Variants in TAF6 observed in about 807,000 individuals in gnomAD.
TAF6 encodes the protein TATA-box binding protein associated factor 6.
Under a neutral mutation model 73.5 loss-of-function variants are expected in TAF6, and 50 were observed. That is an observed-to-expected ratio of 0.68 (90% CI 0.54 to 0.86). TAF6 has a LOEUF of 0.86. Among genes scored for constraint, TAF6 ranks in the 40% least tolerant of loss-of-function variants. TAF6 has a pLI of 0.00. For synonymous variants in TAF6, 424 were observed against 376.7 expected (o/e 1.13, Z -1.45); for missense variants, 768 against 899.5 (o/e 0.85, Z 1.87).
Position 100,110,226 on chromosome 7 carries a change from C to T in TAF6, c.1132G>A (p.Ala378Thr). 1 of 1,614,124 alleles carries T rather than the reference C, an allele frequency of 6.2e-7. No homozygotes were observed. The highest frequency in any genetic ancestry group is 8.5e-7 in the Non-Finnish European group (1 of 1,179,996). ...TCGTGTCCCAGCTCAGCCAAGCCTG[C>T]GATGGAGCCATAACGAGTCGTCCAG... ...TPWTTRYGSI[A>T]GLAELGHDVI... Residue 378 changes from alanine (A) to threonine (T), a missense_variant, in exon 11 of 15, where the codon GCA becomes ACA. Transcript: ENST00000453269.
chr7:100,121,030 T>C (rs2116885345), upstream of TAF6: 1 of 141,624 alleles, frequency 7.1e-6, no homozygotes, highest in African/African-American at 2.7e-5. Context: ...TATGTTGATT[T>C]ATTTAATCTT....
In TAF6 at chr7:100,119,207, C is replaced by G. The variant is rs1797931392; in HGVS notation, c.-63G>C. The G allele has an allele frequency of 1.0e-6, 1 of 991,384 alleles. No homozygotes were observed. 61.4% of individuals were successfully genotyped at this position (991,384 alleles called of 1,614,324 possible). A position where few individuals can be genotyped will look rare whatever the true frequency, so the allele number is the denominator to read the frequency against. On this transcript the variant is annotated 5_prime_UTR_variant, in exon 1 of 15. Transcript: ENST00000453269. The stretch of plus-strand genomic sequence containing the variant: ...CGAGCACAGACACACAACCAACCGT[C>G]CTCTTTCCAGTCCCCACAAGGGACC...
chr7:100,114,224 TCTC>T lies in TAF6; in HGVS notation c.-18_-16del, dbSNP rs1278517857. ...TCCTCAGCCATTCTGGAGTCCCTCT[TCTC>T]CTCCCTGGAAGGATGAAGCCCCCGG... On this transcript the variant is annotated 5_prime_UTR_variant, in exon 2 of 15. Coordinates refer to ENST00000453269, the MANE Select transcript of TAF6 (RefSeq NM_139315.3). 2.5e-6 allele frequency: 4 copies of T among 1,613,852 alleles called. No homozygotes were observed. The highest frequency in any genetic ancestry group is 2.7e-5 in the African/African-American group (2 of 74,838).
chr7:100,112,788 G>C lies in TAF6; in HGVS notation c.574+10C>G. On this transcript the variant is annotated intron_variant, in intron 6 of 14. Coordinates refer to ENST00000453269, the MANE Select transcript of TAF6 (RefSeq NM_139315.3). ...AAGAGTCCAGAGAGGCCTAGCCTAG[G>C]AGGACTGACCTTTGCCGTCGGCTGT... 1 of 1,608,522 alleles carries C rather than the reference G, an allele frequency of 6.2e-7. No homozygotes were observed.
Position 100,112,702 on chromosome 7 carries a change from G to T in TAF6, c.574+96C>A, listed in dbSNP as rs941989959. ...TACACTCCAGCCTGGGTGACAGAGT[G>T]AGACTCTGTCTCAAAAACAAAAAAA... On this transcript the variant is annotated intron_variant, in intron 6 of 14. Transcript: ENST00000453269. 6.2e-6 allele frequency: 9 copies of T among 1,455,446 alleles called. No individual in the cohort carries two copies. In the African/African-American group the frequency reaches 1.3e-4, roughly 21 times the overall value. 90.2% of individuals were successfully genotyped at this position (1,455,446 alleles called of 1,614,324 possible). A position where few individuals can be genotyped will look rare whatever the true frequency, so the allele number is the denominator to read the frequency against.
At chr7:100,125,044 G>C in the TAF6 span, 1 of 809,020 alleles carries the variant, frequency 1.2e-6, no homozygotes, top group Non-Finnish European at 1.9e-6. Flanking sequence ...AGATCCTGGT[G>C]AAACAGCATG....
upstream of TAF6, among the ~76,000 whole-genome samples, chr7:100,123,383 A>C (rs190589379): frequency 1.5e-4 from 23 of 151,972 alleles, no homozygotes; most frequent in African/African-American, 4.8e-4. Flanking sequence ...AAGAAATCAT[A>C]ATGAGCCGGG....
chr7:100,119,886 T>C (rs758835170), upstream of TAF6: 17 of 1,577,968 alleles, frequency 1.1e-5, no homozygotes, highest in Middle Eastern at 1.8e-4. Flanking sequence ...GTAGCCCCTA[T>C]AGGCATCGCC....
At chr7:100,126,167 T>C in the TAF6 span, among the ~76,000 whole-genome samples, 5,208 of 147,996 alleles carry the variant, frequency 0.035, 320 homozygotes, top group African/African-American at 0.12. Flanking sequence ...GCCTGGGTGA[T>C]AGAGCGAGAC....
upstream of TAF6, chr7:100,122,235 C>G (rs762000342): frequency 1.2e-6 from 2 of 1,613,468 alleles, no homozygotes; most frequent in South Asian, 1.1e-5. Context: ...TTACCTCCCC[C>G]CGGACGTTTC....
chr7:100,113,282 CAAA>C, intron 5 of TAF6, 64 bp downstream of exon 5: 1 of 1,190,770 alleles, frequency 8.4e-7, no homozygotes, highest in Admixed American at 2.8e-5. Flanking sequence ...GACTCTGTCT[CAAA>C]AAAAAAAGGT....
In TAF6 at chr7:100,112,268, A is replaced by G. The variant is rs570669466; in HGVS notation, c.575-15T>C. On this transcript the variant is annotated splice_polypyrimidine_tract_variant and intron_variant, in intron 6 of 14. Transcript: ENST00000453269. ...CTTCTCTTTCCCTGTGTGATTGGAAAGGTGGGTCTGACAAAGAAAGCTCCA... is the reference window on the plus strand; with the variant it reads ...CTTCTCTTTCCCTGTGTGATTGGAAGGGTGGGTCTGACAAAGAAAGCTCCA... 1.9e-6 allele frequency: 3 copies of G among 1,607,946 alleles called. No individual in the cohort carries two copies. Among genetic ancestry groups the G allele is most frequent in the Non-Finnish European group, 2.5e-6 (3 of 1,177,626 alleles).
Position 100,108,031 on chromosome 7 carries a change from G to C in TAF6, c.1551C>G (p.Val517=). ...CCGCTCGTGCAGACACCAGTGTCTG[G>C]ACAGGAAGTGCGATGGAGCCAGGAA... ...LKVPGSIALP[V]QTLVSARAAA... is the part of the protein sequence containing the mutation. Residue 517 remains valine (V), a synonymous_variant, in exon 14 of 15, where the codon GTC becomes GTG. Coordinates refer to ENST00000453269, the MANE Select transcript of TAF6 (RefSeq NM_139315.3). The C allele has an allele frequency of 6.2e-7, 1 of 1,613,840 alleles. No homozygotes were observed. Among genetic ancestry groups the C allele is most frequent in the Non-Finnish European group, 8.5e-7 (1 of 1,179,950 alleles).
At chr7:100,122,589 C>G, upstream of TAF6, 2 of 1,590,070 alleles carry the variant, frequency 1.3e-6, no homozygotes, top group Non-Finnish European at 1.7e-6. Flanking sequence ...TCAGACCCTT[C>G]CCCAGGGCAG....
Position 100,107,497 on chromosome 7 carries a change from T to C in TAF6, c.1783A>G (p.Thr595Ala). 6 of 1,614,032 alleles carry C rather than the reference T, an allele frequency of 3.7e-6. No homozygotes were observed. Among genetic ancestry groups the C allele is most frequent in the Non-Finnish European group, 5.1e-6 (6 of 1,179,978 alleles). ...VSTATTAPPS[T>A]APSGPGSVQK... The stretch of plus-strand genomic sequence containing the variant: ...ACACTCCCAGGACCAGAGGGAGCAG[T>C]GCTGGGGGGTGCGGTGGTGGCGGTG... Residue 595 changes from threonine (T) to alanine (A), a missense_variant, in exon 15 of 15, where the codon ACT (threonine) becomes GCT (alanine). Coordinates refer to ENST00000453269, the MANE Select transcript of TAF6 (RefSeq NM_139315.3).
At chr7:100,121,110 A>ATTTTTTTT (rs1798036782), upstream of TAF6, 11 of 28,396 alleles carry the variant, frequency 3.9e-4, no homozygotes, top group East Asian at 7.1e-4. Flanking sequence ...ATATATATAT[A>ATTTTTTTT]TATATATTTT....
upstream of TAF6, chr7:100,122,551 C>T (rs143569274): frequency 5.0e-6 from 8 of 1,611,974 alleles, no homozygotes; most frequent in Non-Finnish European, 5.1e-6. Context: ...TCACGCTGAG[C>T]GCAAGGGCTC....
chr7:100,112,069 A>C, intron 7 of TAF6, 39 bp downstream of exon 7: 6 of 1,613,514 alleles, frequency 3.7e-6, no homozygotes, highest in Non-Finnish European at 5.1e-6. Flanking sequence ...CCCCAGGAGG[A>C]GGCGTCTCAG....
rs1047120509 is a variant in TAF6 at position 100,119,316 on chromosome 7, A to C, written c.-172T>G. 5.8e-6 allele frequency: 6 copies of C among 1,032,332 alleles called. No homozygotes were observed. The African/African-American group carries it at 1.0e-4, about 18-fold the overall frequency. The allele number at this position is 1,032,332 out of a possible 1,614,324, so 63.9% of individuals were successfully genotyped here. ...AGCAGGAAAACTCTAGCGGCAGCCGAGACGCTGCTCACCCGGCGCTCGGCG... is the reference window on the plus strand; with the variant it reads ...AGCAGGAAAACTCTAGCGGCAGCCGCGACGCTGCTCACCCGGCGCTCGGCG... On this transcript the variant is annotated 5_prime_UTR_variant, in exon 1 of 15. Coordinates refer to ENST00000453269, the MANE Select transcript of TAF6 (RefSeq NM_139315.3).
Sources: gnomAD v4.1 joint callset for allele counts (sites outside exome capture counted in the v4.1 genomes callset) on GRCh38, gnomAD v4.1.1 for gene constraint, MANE v1.5 for transcripts, NCBI Gene and HGNC (gene_info 2026-07-23, HGNC 2026-07-21) for gene names.